PCDH9: variants seen among roughly 807,000 people sequenced by gnomAD.
PCDH9 encodes the protein protocadherin-9.
Under a neutral mutation model 70.6 loss-of-function variants are expected in PCDH9, and 24 were observed. That is an observed-to-expected ratio of 0.34 (90% CI 0.25 to 0.48). The LOEUF (loss-of-function observed/expected upper bound fraction) is 0.48. Among genes scored for constraint, PCDH9 ranks in the 20% least tolerant of loss-of-function variants. The probability of loss-of-function intolerance (pLI) is 0.99; values close to 1 mark genes in which losing one functional copy is unlikely to be tolerated. For synonymous variants in PCDH9, 562 were observed against 558.5 expected (o/e 1.01, Z -0.09); for missense variants, 1,281 against 1,503.6 (o/e 0.85, Z 2.45).
intron 2 of PCDH9, chr13:67,213,251 C>G (rs1400686649): frequency 1.5e-5 from 1 of 64,976 alleles, no homozygotes; most frequent in African/African-American, 5.4e-5. Flanking sequence ...AAAAAAAAAG[C>G]TAATAGAGGA....
At chr13:66,530,982 G>GT (rs1277309000) in intron 4 of PCDH9, among the ~76,000 whole-genome samples, 2 of 151,582 alleles carry the variant, frequency 1.3e-5, no homozygotes, top group Non-Finnish European at 2.9e-5. Context: ...GTTTTGTTTT[G>GT]TTTTTTAAAT....
chr13:67,117,457 G>A (rs548432706), intron 2 of PCDH9, among the ~76,000 whole-genome samples: 2 of 152,140 alleles, frequency 1.3e-5, no homozygotes, highest in East Asian at 1.9e-4. Flanking sequence ...TGGGGGAGGC[G>A]GTTGTGATGA....
chr13:66,337,313 A>G (rs1956053135), intron 4 of PCDH9, among the ~76,000 whole-genome samples: 1 of 152,068 alleles, frequency 6.6e-6, no homozygotes, highest in Admixed American at 6.6e-5. Context: ...ATTCCCTGAT[A>G]TTTTATTTGG....
chr13:66,878,795 CTTGGTGGG>C, intron 3 of PCDH9, among the ~76,000 whole-genome samples: 1 of 152,010 alleles, frequency 6.6e-6, no homozygotes, highest in East Asian at 1.9e-4. Flanking sequence ...AAGGAGGAAT[CTTGGTGGG>C]CTTAATAAAA....
intron 4 of PCDH9, among the ~76,000 whole-genome samples, chr13:66,453,356 T>G (rs1385672044): frequency 6.6e-6 from 1 of 152,202 alleles, no homozygotes; most frequent in Admixed American, 6.5e-5. Flanking sequence ...CTCAGTAAAG[T>G]AAGCTGACCT....
chr13:67,078,899 C>T (rs2085930235), intron 2 of PCDH9, among the ~76,000 whole-genome samples: 1 of 152,040 alleles, frequency 6.6e-6, no homozygotes, highest in South Asian at 2.1e-4. Flanking sequence ...AATCAGAAAG[C>T]AATTCTCGGT....
intron 3 of PCDH9, among the ~76,000 whole-genome samples, chr13:66,733,692 C>T (rs1393549545): frequency 2.8e-5 from 3 of 105,566 alleles, no homozygotes; most frequent in South Asian, 3.0e-4. Context: ...TTTTTTTTTA[C>T]GACATTAACA....
chr13:66,951,122 C>T (rs967934685), intron 2 of PCDH9, among the ~76,000 whole-genome samples: 5 of 152,128 alleles, frequency 3.3e-5, no homozygotes, highest in African/African-American at 1.2e-4. Flanking sequence ...CACAGTGCCG[C>T]GTACAAATAG....
At chr13:67,141,738 C>A (rs1165458787) in intron 2 of PCDH9, among the ~76,000 whole-genome samples, 2 of 148,742 alleles carry the variant, frequency 1.3e-5, no homozygotes, top group African/African-American at 4.9e-5. Flanking sequence ...TGCGCCCAGC[C>A]AAGACCTTCT....
At chr13:66,440,066 A>G (rs1957945612) in intron 4 of PCDH9, among the ~76,000 whole-genome samples, 2 of 152,198 alleles carry the variant, frequency 1.3e-5, no homozygotes, top group Non-Finnish European at 1.5e-5. Context: ...TAAAAACAAT[A>G]AAGATCTTTA....
chr13:66,393,718 G>T (rs1957057293), intron 4 of PCDH9, among the ~76,000 whole-genome samples: 1 of 152,188 alleles, frequency 6.6e-6, no homozygotes, highest in South Asian at 2.1e-4. Flanking sequence ...GATAGTGAAA[G>T]AAAGATCAAG....
chr13:66,597,386 T>C (rs576292251), intron 4 of PCDH9, among the ~76,000 whole-genome samples: 74 of 151,934 alleles, frequency 4.9e-4, no homozygotes, highest in Admixed American at 9.2e-4. Context: ...GACAGACATA[T>C]GGACCAATGG....
chr13:66,772,089 G>A (rs1404971975), intron 3 of PCDH9, among the ~76,000 whole-genome samples: 2 of 152,150 alleles, frequency 1.3e-5, no homozygotes, highest in Non-Finnish European at 2.9e-5. Context: ...CAACATTCTG[G>A]CATAAGGAAT....
At chr13:67,100,144 A>G (rs1356161959) in intron 2 of PCDH9, among the ~76,000 whole-genome samples, 1 of 152,176 alleles carries the variant, frequency 6.6e-6, no homozygotes, top group East Asian at 1.9e-4. Flanking sequence ...ACTTGACATT[A>G]CTTCAGCTAT....
At chr13:66,480,702 G>A (rs1056703636) in intron 4 of PCDH9, among the ~76,000 whole-genome samples, 7 of 152,176 alleles carry the variant, frequency 4.6e-5, no homozygotes, top group African/African-American at 1.7e-4. Context: ...ACACTTTTAT[G>A]CTGTTGGTGG....
chr13:66,452,724 G>A (rs1225143280), intron 4 of PCDH9, among the ~76,000 whole-genome samples: 1 of 152,036 alleles, frequency 6.6e-6, no homozygotes. Flanking sequence ...CTTTTCCAAA[G>A]CTTCTTAAGT....
chr13:66,384,535 A>C (rs2138251038), intron 4 of PCDH9, among the ~76,000 whole-genome samples: 1 of 152,306 alleles, frequency 6.6e-6, no homozygotes, highest in African/African-American at 2.4e-5. Context: ...ATATGTGTGG[A>C]GTAAGAGCAC....
At chr13:66,539,972 C>T (rs1960880532) in intron 4 of PCDH9, among the ~76,000 whole-genome samples, 1 of 150,516 alleles carries the variant, frequency 6.6e-6, no homozygotes, top group South Asian at 2.1e-4. Flanking sequence ...TGGGCTCAAG[C>T]CATGCTCCTA....
chr13:66,585,069 G>A (rs925230492), intron 4 of PCDH9, among the ~76,000 whole-genome samples: 1 of 151,908 alleles, frequency 6.6e-6, no homozygotes, highest in Admixed American at 6.6e-5. Flanking sequence ...GAGGGACTGA[G>A]GTATGGGGGT....
Sources: allele counts gnomAD v4.1 joint callset (sites outside exome capture counted in the v4.1 genomes callset), GRCh38; gene constraint gnomAD v4.1.1; transcripts MANE v1.5; gene names NCBI Gene and HGNC (gene_info 2026-07-23, HGNC 2026-07-21).